Variants in DPP6 observed in about 807,000 individuals in gnomAD.
DPP6 encodes the protein A-type potassium channel modulatory protein DPP6.
In DPP6, 69 loss-of-function variants were observed where a neutral mutation model predicts 122.6. The observed-to-expected ratio is 0.56, with a 90% CI of 0.46 to 0.69. The LOEUF (loss-of-function observed/expected upper bound fraction) is 0.69. Among genes scored for constraint, DPP6 ranks in the 30% least tolerant of loss-of-function variants. The pLI is 0.00. For missense variants in DPP6, 928 were observed against 1,116.9 expected (o/e 0.83, Z 2.41); for synonymous variants, 418 against 433.1 (o/e 0.97, Z 0.43).
At chr7:154,348,645 T>G (rs1810594675) in intron 1 of DPP6, among the ~76,000 whole-genome samples, 1 of 152,170 alleles carries the variant, frequency 6.6e-6, no homozygotes, top group Admixed American at 6.5e-5. Flanking sequence ...TCTGTTCATT[T>G]CATTATCGTC....
intron 1 of DPP6, among the ~76,000 whole-genome samples, chr7:154,028,746 A>G (rs1219250145): frequency 6.6e-6 from 1 of 151,930 alleles, no homozygotes; most frequent in Non-Finnish European, 1.5e-5. Flanking sequence ...CCGATCTTTC[A>G]CTTCTGCCCA....
At chr7:154,645,267 G>A (rs987624388) in intron 6 of DPP6, among the ~76,000 whole-genome samples, 9 of 151,762 alleles carry the variant, frequency 5.9e-5, no homozygotes, top group African/African-American at 1.7e-4. Flanking sequence ...GGGTTTCACC[G>A]TGTTAGCCAG....
the DPP6 span, among the ~76,000 whole-genome samples, chr7:153,770,866 A>G: frequency 6.6e-6 from 1 of 152,206 alleles, no homozygotes; most frequent in Admixed American, 6.5e-5. Flanking sequence ...CAGTAGATTA[A>G]AAACCATTAA....
chr7:153,866,828 A>T, the DPP6 span, among the ~76,000 whole-genome samples: 1 of 152,120 alleles, frequency 6.6e-6, no homozygotes, highest in Non-Finnish European at 1.5e-5. Flanking sequence ...ATTTTTGTAT[A>T]AGGTGTAAGG....
chr7:154,761,457 C>G (rs1446664042), intron 8 of DPP6, among the ~76,000 whole-genome samples: 2 of 152,198 alleles, frequency 1.3e-5, no homozygotes, highest in Non-Finnish European at 2.9e-5. Context: ...CCATACCACC[C>G]TGTGTGAGGC....
chr7:153,817,301 A>G, the DPP6 span, among the ~76,000 whole-genome samples: 1 of 146,802 alleles, frequency 6.8e-6, no homozygotes, highest in African/African-American at 2.5e-5. Context: ...ATCAAGCTTC[A>G]GTTCTGTGGG....
At chr7:153,788,875 G>T in the DPP6 span, among the ~76,000 whole-genome samples, 26 of 151,802 alleles carry the variant, frequency 1.7e-4, no homozygotes, top group East Asian at 4.5e-3. Context: ...TGAGGCAGGA[G>T]AATTGCTTGA....
At chr7:154,799,195 C>T (rs1242829442) in intron 12 of DPP6, among the ~76,000 whole-genome samples, 3 of 152,212 alleles carry the variant, frequency 2.0e-5, no homozygotes, top group African/African-American at 7.2e-5. Flanking sequence ...TTTGTGTCAT[C>T]TGAGCTGTTC....
At chr7:154,239,927 G>T (rs1801471605) in intron 1 of DPP6, among the ~76,000 whole-genome samples, 2 of 141,476 alleles carry the variant, frequency 1.4e-5, no homozygotes, top group South Asian at 4.6e-4. Context: ...AGGAGGCGGA[G>T]GTTGCAGTAA....
intron 7 of DPP6, among the ~76,000 whole-genome samples, chr7:154,680,734 A>C (rs1161893969): frequency 6.6e-6 from 1 of 152,064 alleles, no homozygotes; most frequent in African/African-American, 2.4e-5. Context: ...ATTGTTAAAA[A>C]TGGGATTTAG....
At chr7:154,149,336 C>T (rs1303505371) in intron 1 of DPP6, among the ~76,000 whole-genome samples, 2 of 152,196 alleles carry the variant, frequency 1.3e-5, no homozygotes, top group Non-Finnish European at 2.9e-5. Context: ...CAAGCCCTGC[C>T]CTGCCTTCTG....
At chr7:153,820,052 G>A in the DPP6 span, among the ~76,000 whole-genome samples, 1 of 152,124 alleles carries the variant, frequency 6.6e-6, no homozygotes, top group South Asian at 2.1e-4. Flanking sequence ...TAGTTCTTCA[G>A]GGAATGATAT....
intron 7 of DPP6, among the ~76,000 whole-genome samples, chr7:154,707,816 C>A (rs905536209): frequency 6.6e-6 from 1 of 152,124 alleles, no homozygotes; most frequent in Non-Finnish European, 1.5e-5. Context: ...AATGAAAGCA[C>A]GTCCTACATA....
the DPP6 span, among the ~76,000 whole-genome samples, chr7:153,819,080 T>TTC: frequency 1.5e-4 from 21 of 140,172 alleles, no homozygotes; most frequent in South Asian, 9.1e-4. Context: ...TTCTTTTCTT[T>TTC]TTTTTTTTTT....
intron 7 of DPP6, among the ~76,000 whole-genome samples, chr7:154,705,671 G>A (rs1378975695): frequency 1.3e-5 from 2 of 152,204 alleles, no homozygotes; most frequent in Non-Finnish European, 2.9e-5. Context: ...GTGGGGGCCA[G>A]GGCTCCCAGA....
At chr7:154,569,352 T>C (rs1161162199) in intron 5 of DPP6, among the ~76,000 whole-genome samples, 2 of 152,036 alleles carry the variant, frequency 1.3e-5, no homozygotes, top group African/African-American at 2.4e-5. Context: ...TCCATTGGTA[T>C]TCTTTAAAAA....
intron 4 of DPP6, among the ~76,000 whole-genome samples, chr7:154,564,599 A>G (rs1236800932): frequency 6.6e-6 from 1 of 152,238 alleles, no homozygotes; most frequent in African/African-American, 2.4e-5. Context: ...CTATACAAAA[A>G]TGTGAAAACC....
intron 1 of DPP6, among the ~76,000 whole-genome samples, chr7:154,324,194 A>T (rs1032606718): frequency 2.6e-5 from 4 of 152,192 alleles, no homozygotes; most frequent in Non-Finnish European, 5.9e-5. Context: ...CTTGCCTAGT[A>T]CTTCCTGTTC....
At chr7:154,302,910 C>T (rs960589370) in intron 1 of DPP6, among the ~76,000 whole-genome samples, 2 of 152,200 alleles carry the variant, frequency 1.3e-5, no homozygotes, top group African/African-American at 4.8e-5. Context: ...AGTGGGTTAG[C>T]AATGAATCCT....
Sources: allele counts gnomAD v4.1 joint callset (sites outside exome capture counted in the v4.1 genomes callset), GRCh38; gene constraint gnomAD v4.1.1; transcripts MANE v1.5; gene names NCBI Gene and HGNC (gene_info 2026-07-23, HGNC 2026-07-21).